The following RWDD4 variants were observed in gnomAD, a reference collection of about 807,000 sequenced individuals.
RWDD4 encodes the protein RWD domain containing 4, also known as RWD domain-containing protein 4.
In RWDD4, 16 loss-of-function variants were observed where a neutral mutation model predicts 30.0. That is an observed-to-expected ratio of 0.53 (90% confidence interval 0.36 to 0.81). The LOEUF is 0.81. Ranked by LOEUF, RWDD4 falls within the 30% of genes least tolerant of loss-of-function variation. The pLI is 0.00. For synonymous variants in RWDD4, 45 were observed against 72.1 expected (o/e 0.62, Z 1.90); for missense variants, 170 against 223.9 (o/e 0.76, Z 1.54).
chr4:183,657,438 T>C (rs1156599222), intron 1 of RWDD4, among the ~76,000 whole-genome samples: 1 of 152,214 alleles, frequency 6.6e-6, no homozygotes, highest in East Asian at 1.9e-4. Context: ...TGACAATTTG[T>C]TGGGACAGTG....
intron 1 of RWDD4, 87 bp downstream of exon 1, chr4:183,658,842 C>A: frequency 8.8e-7 from 1 of 1,138,396 alleles, no homozygotes; most frequent in Non-Finnish European, 1.1e-6. Context: ...ACGTGCCGGG[C>A]AGGCTGTCCG....
chr4:183,642,998 G>A (rs1733890712), intron 7 of RWDD4, among the ~76,000 whole-genome samples: 1 of 150,892 alleles, frequency 6.6e-6, no homozygotes, highest in South Asian at 2.1e-4. Flanking sequence ...GGCGGAGATT[G>A]CAGTGAGCCG....
intron 2 of RWDD4, among the ~76,000 whole-genome samples, chr4:183,653,227 G>C (rs1021308833): frequency 6.6e-6 from 1 of 152,082 alleles, no homozygotes; most frequent in African/African-American, 2.4e-5. Flanking sequence ...CATGGTTTAG[G>C]TGATCTTCTC....
intron 4 of RWDD4, among the ~76,000 whole-genome samples, chr4:183,650,249 C>T (rs1933038657): frequency 6.6e-6 from 1 of 152,166 alleles, no homozygotes; most frequent in Non-Finnish European, 1.5e-5. Flanking sequence ...GATGTGAACC[C>T]AGGCAGTCTG....
chr4:183,643,303 C>T (rs1733901303), intron 7 of RWDD4, among the ~76,000 whole-genome samples: 1 of 144,902 alleles, frequency 6.9e-6, no homozygotes, highest in African/African-American at 2.5e-5. Flanking sequence ...GGCGCATGCC[C>T]ATAGTCCCAG....
intron 2 of RWDD4, among the ~76,000 whole-genome samples, chr4:183,654,537 C>T (rs1242502030): frequency 1.3e-5 from 2 of 152,170 alleles, no homozygotes; most frequent in Admixed American, 6.5e-5. Context: ...CTATGGGTCA[C>T]GTCAGTGTCC....
intron 1 of RWDD4, 193 bp from the exon 2 acceptor site, chr4:183,656,154 CTG>C (rs1215703957): frequency 3.9e-6 from 2 of 514,338 alleles, no homozygotes; most frequent in African/African-American, 3.8e-5. Flanking sequence ...CTTTCAAACT[CTG>C]TGTCAGGGAC....
intron 4 of RWDD4, among the ~76,000 whole-genome samples, chr4:183,650,149 A>C (rs28446735): frequency 0.01 from 1,587 of 152,346 alleles, 29 homozygotes; most frequent in East Asian, 0.077. Context: ...GAAGGTAGAT[A>C]CTATATAACC....
At chr4:183,651,945 CT>C (rs1734085162) in intron 2 of RWDD4, among the ~76,000 whole-genome samples, 1 of 152,204 alleles carries the variant, frequency 6.6e-6, no homozygotes, top group Non-Finnish European at 1.5e-5. Flanking sequence ...AATGAACACT[CT>C]GACATTCATC....
chr4:183,639,974 AAAAC>A lies in RWDD4; in HGVS notation c.*1458_*1461del, dbSNP rs1733827122. 1.3e-5 allele frequency: 2 copies of A among 152,236 alleles called. No homozygotes were observed. The highest frequency in any genetic ancestry group is 1.9e-4 in the East Asian group (1 of 5,184). The allele number at this position is 152,236 out of a possible 1,614,324, so 9.4% of individuals were successfully genotyped here. A position where few individuals can be genotyped will look rare whatever the true frequency, so the allele number is the denominator to read the frequency against. On this transcript the variant is annotated 3_prime_UTR_variant, in exon 8 of 8. Transcript: ENST00000326397. ...CTAGCAGATGTTTCTCCAAAAACAA[AAAAC>A]AAACCAATACAACCACAAATACTAC...
intron 7 of RWDD4, among the ~76,000 whole-genome samples, chr4:183,641,701 G>A (rs1470842059): frequency 6.6e-6 from 1 of 152,140 alleles, no homozygotes; most frequent in Non-Finnish European, 1.5e-5. Context: ...GTGGGTGGGT[G>A]AGCGGGACAC....
intron 5 of RWDD4, among the ~76,000 whole-genome samples, chr4:183,648,336 G>A (rs75965644): frequency 0.038 from 5,699 of 151,844 alleles, 152 homozygotes; most frequent in South Asian, 0.1. Context: ...AGTAGCACAC[G>A]CATAGATACA....
intron 2 of RWDD4, chr4:183,653,564 C>A (rs1411292108): frequency 3.3e-5 from 5 of 152,154 alleles, no homozygotes; most frequent in Non-Finnish European, 7.4e-5. Context: ...AAATGGTGAT[C>A]TTCTAGTAAA....
rs1734033212 is a variant in RWDD4 at position 183,649,526 on chromosome 4, C to T, written c.406G>A (p.Ala136Thr). 6.2e-7 allele frequency: 1 copy of T among 1,610,708 alleles called. No homozygotes were observed. Among genetic ancestry groups the T allele is most frequent in the Non-Finnish European group, 8.5e-7 (1 of 1,177,786 alleles). The change falls in exon 5 of 8, where the codon GCC (alanine) becomes ACC (threonine). Residue 136 changes from alanine to threonine, a missense_variant. Transcript: ENST00000326397. ...NIISIETPNT[A>T]PSSKKKDKKE... is the part of the protein sequence containing the mutation. ...TTGTCTTTTTTCTTACTTGATGGGG[C>T]TGTATTAGGAGTTTCAATTGAGATG... is the stretch of plus-strand genomic sequence containing the variant.
At chr4:183,647,341 A>G (rs1263437324) in intron 5 of RWDD4, among the ~76,000 whole-genome samples, 2 of 152,186 alleles carry the variant, frequency 1.3e-5, no homozygotes, top group African/African-American at 2.4e-5. Context: ...AAATTAACCC[A>G]TGATACTTAC....
chr4:183,639,995 A>T lies in RWDD4; in HGVS notation c.*1441T>A, dbSNP rs1733827704. 2 of 152,142 alleles carry T rather than the reference A, an allele frequency of 1.3e-5. No individual in the cohort carries two copies. Among genetic ancestry groups the T allele is most frequent in the Non-Finnish European group, 2.9e-5 (2 of 68,022 alleles). The allele number at this position is 152,142 out of a possible 1,614,324, so 9.4% of individuals were successfully genotyped here. ...ACAAAAAACAAACCAATACAACCACAAATACTACCCACACACAACCCTGAA... is the reference window on the plus strand; with the variant it reads ...ACAAAAAACAAACCAATACAACCACTAATACTACCCACACACAACCCTGAA... On this transcript the variant is annotated 3_prime_UTR_variant, in exon 8 of 8. Transcript: ENST00000326397.
Position 183,640,082 on chromosome 4 carries a change from A to G in RWDD4, c.*1354T>C, listed in dbSNP as rs573041925. 2.0e-5 allele frequency: 3 copies of G among 150,962 alleles called. No homozygotes were observed. The highest frequency in any genetic ancestry group is 4.2e-4 in the South Asian group (2 of 4,732). 9.4% of individuals were successfully genotyped at this position (150,962 alleles called of 1,614,324 possible). A position where few individuals can be genotyped will look rare whatever the true frequency, so the allele number is the denominator to read the frequency against. ...ACATGTTTTGCTCTACATTAATTCA[A>G]GAAATAAAATGAGAAACAGCTTTGA... is the stretch of plus-strand genomic sequence containing the variant. On this transcript the variant is annotated 3_prime_UTR_variant, in exon 8 of 8. Transcript: ENST00000326397.
Position 183,659,011 on chromosome 4 carries a change from G to T in RWDD4, c.-59C>A. 8.1e-7 allele frequency: 1 copy of T among 1,227,618 alleles called. No individual in the cohort carries two copies. The highest frequency in any genetic ancestry group is 1.0e-6 in the Non-Finnish European group (1 of 976,304). The allele number at this position is 1,227,618 out of a possible 1,614,324, so 76.0% of individuals were successfully genotyped here. Reference sequence around the variant, plus strand: ...GCGTTCGCAACAACGAAGAGAAAGCGAAGGCAGCGGCCCAGAGGCCGGGCG... The same window carrying T: ...GCGTTCGCAACAACGAAGAGAAAGCTAAGGCAGCGGCCCAGAGGCCGGGCG... On this transcript the variant is annotated 5_prime_UTR_variant, in exon 1 of 8. Coordinates refer to ENST00000326397, the MANE Select transcript of RWDD4 (RefSeq NM_152682.4).
intron 2 of RWDD4, among the ~76,000 whole-genome samples, chr4:183,652,318 T>C (rs1482297332): frequency 6.6e-6 from 1 of 151,662 alleles, no homozygotes; most frequent in Admixed American, 6.6e-5. Flanking sequence ...TATGCCTCTT[T>C]ATTCTGCTTT....
Sources: gnomAD v4.1 joint callset for allele counts (sites outside exome capture counted in the v4.1 genomes callset) on GRCh38, gnomAD v4.1.1 for gene constraint, MANE v1.5 for transcripts, NCBI Gene and HGNC (gene_info 2026-07-23, HGNC 2026-07-21) for gene names.